The following MYZAP variants were observed in gnomAD, a reference collection of about 807,000 sequenced individuals.
The protein encoded by MYZAP is GRINL1A complex locus upstream.
Under a neutral mutation model 69.4 loss-of-function variants are expected in MYZAP, and 66 were observed. The observed-to-expected ratio is 0.95, with a 90% CI of 0.78 to 1.17. MYZAP has a LOEUF of 1.17. Among genes scored for constraint, MYZAP ranks in the 50% most tolerant of loss-of-function variants. MYZAP has a pLI of 0.00. For synonymous variants in MYZAP, 256 were observed against 205.9 expected, an observed-to-expected ratio of 1.24 and a Z score of -2.09; for missense variants, 611 against 556.2, an observed-to-expected ratio of 1.10 and a Z score of -0.99.
chr15:57,633,108 T>TTA (rs1282087701), intron 7 of MYZAP, among the ~76,000 whole-genome samples: 6 of 152,186 alleles, frequency 3.9e-5, no homozygotes, highest in African/African-American at 1.2e-4. Flanking sequence ...TTCCAGGAGA[T>TTA]TATAAGTTCC....
In MYZAP at chr15:57,633,676, A is replaced by T; in HGVS notation, c.868A>T (p.Ile290Phe). 1 of 1,613,666 alleles carries T rather than the reference A, an allele frequency of 6.2e-7. No individual in the cohort carries two copies. The highest frequency in any genetic ancestry group is 8.5e-7 in the Non-Finnish European group (1 of 1,179,828). ...EANKKMQAAEISLEEKDQRIG... is the reference protein window; with the variant it reads ...EANKKMQAAEFSLEEKDQRIG... ...CAATAAAAAGATGCAAGCAGCAGAG[A>T]TCAGCCTAGAGGAGAAAGACCAGAG... The change falls in exon 8 of 13, where the codon ATC (isoleucine) becomes TTC (phenylalanine). Residue 290 changes from isoleucine (I) to phenylalanine (F), a missense_variant. Coordinates refer to ENST00000267853, the MANE Select transcript of MYZAP (RefSeq NM_001018100.5).
intron 1 of MYZAP, among the ~76,000 whole-genome samples, chr15:57,596,898 T>C (rs536804267): frequency 6.6e-6 from 1 of 152,328 alleles, no homozygotes; most frequent in East Asian, 1.9e-4. Flanking sequence ...CCTAGAGGCC[T>C]GTGCATGCCA....
At chr15:57,677,490 A>G (rs2039200962) in intron 12 of MYZAP, among the ~76,000 whole-genome samples, 1 of 152,240 alleles carries the variant, frequency 6.6e-6, no homozygotes, top group African/African-American at 2.4e-5. Flanking sequence ...GAAAATATGT[A>G]ATAAATAGAG....
intron 1 of MYZAP, among the ~76,000 whole-genome samples, chr15:57,600,453 G>A (rs1264004579): frequency 6.6e-6 from 1 of 152,092 alleles, no homozygotes; most frequent in South Asian, 2.1e-4. Context: ...TATACCTCAG[G>A]GTATTGCTCA....
Position 57,684,543 on chromosome 15 carries a change from A to C in MYZAP, c.*45A>C. 7.9e-7 allele frequency: 1 copy of C among 1,269,196 alleles called. No homozygotes were observed. Among genetic ancestry groups the C allele is most frequent in the Non-Finnish European group, 1.1e-6 (1 of 881,272 alleles). The allele number at this position is 1,269,196 out of a possible 1,614,324, so 78.6% of individuals were successfully genotyped here. ...TTTTACAGATGGACAAAAGCTCTGG[A>C]ACCCTGTGGCTTCAAATCCTTTGGG... On this transcript the variant is annotated 3_prime_UTR_variant, in exon 13 of 13. Transcript: ENST00000267853.
chr15:57,608,796 T>G (rs1483932424), intron 2 of MYZAP, among the ~76,000 whole-genome samples: 2 of 152,238 alleles, frequency 1.3e-5, no homozygotes, highest in Non-Finnish European at 2.9e-5. Context: ...TTCTCCTGCC[T>G]GAAGCTGCCT....
intron 10 of MYZAP, among the ~76,000 whole-genome samples, chr15:57,643,442 T>G (rs991071269): frequency 2.0e-5 from 3 of 152,216 alleles, no homozygotes; most frequent in Admixed American, 2.0e-4. Flanking sequence ...GGAAAGGCAC[T>G]GGGAGAGCTG....
intron 11 of MYZAP, among the ~76,000 whole-genome samples, chr15:57,670,060 A>C (rs2038794275): frequency 6.6e-6 from 1 of 152,118 alleles, no homozygotes; most frequent in Admixed American, 6.5e-5. Context: ...GTTTCAATTA[A>C]ATTTTTGTGA....
At chr15:57,671,075 G>A (rs746239380) in intron 11 of MYZAP, among the ~76,000 whole-genome samples, 1 of 151,964 alleles carries the variant, frequency 6.6e-6, no homozygotes, top group African/African-American at 2.4e-5. Context: ...ATGTCATCTC[G>A]CCTCAGCCTG....
chr15:57,602,370 T>G (rs1184363777), intron 1 of MYZAP, among the ~76,000 whole-genome samples: 2 of 152,170 alleles, frequency 1.3e-5, no homozygotes, highest in African/African-American at 4.8e-5. Context: ...GCCCTTCTCC[T>G]TGGCTGTTGA....
intron 10 of MYZAP, among the ~76,000 whole-genome samples, chr15:57,651,875 C>CG (rs1567228718): frequency 6.6e-6 from 1 of 152,080 alleles, no homozygotes; most frequent in Non-Finnish European, 1.5e-5. Flanking sequence ...TTTAGGTACC[C>CG]GGGGGAGCCA....
At position 57,591,990 on chromosome 15, in the gene MYZAP, G is replaced by C. The variant is rs923162948; in HGVS notation, c.-45G>C. ...CGGGCCCCGCACGCTTATTCTGCCC[G>C]GGAGGAACGCCGGCGTCCAGCCCGC... is the stretch of plus-strand genomic sequence containing the variant. On this transcript the variant is annotated 5_prime_UTR_variant, in exon 1 of 13. Transcript: ENST00000267853. The C allele has an allele frequency of 7.8e-6, 11 of 1,405,190 alleles. No individual in the cohort carries two copies. Among genetic ancestry groups the C allele is most frequent in the East Asian group, 3.1e-5 (1 of 32,250 alleles). 87.0% of individuals were successfully genotyped at this position (1,405,190 alleles called of 1,614,324 possible).
At chr15:57,647,335 G>A (rs2037494490) in intron 10 of MYZAP, 1 of 985,374 alleles carries the variant, frequency 1.0e-6, no homozygotes, top group Non-Finnish European at 1.2e-6. Flanking sequence ...ACTTCCACTA[G>A]GGAGACAGAG....
Position 57,648,176 on chromosome 15 carries a change from G to A in MYZAP, c.1119+8631G>A, listed in dbSNP as rs534337776. Reference sequence around the variant, plus strand: ...AAATGTCAATTTTTAGAAGGTATCAGCACAATTGTGGCAGCCTTTTTTCTG... The same window carrying A: ...AAATGTCAATTTTTAGAAGGTATCAACACAATTGTGGCAGCCTTTTTTCTG... On this transcript the variant is annotated intron_variant, in intron 10 of 12. Coordinates refer to ENST00000267853, the MANE Select transcript of MYZAP (RefSeq NM_001018100.5). 3.1e-5 allele frequency: 31 copies of A among 985,068 alleles called. No individual in the cohort carries two copies. The African/African-American group carries it at 3.8e-4, about 12-fold the overall frequency. 61.0% of individuals were successfully genotyped at this position (985,068 alleles called of 1,614,324 possible).
At chr15:57,597,663 T>C (rs2034148094) in intron 1 of MYZAP, among the ~76,000 whole-genome samples, 1 of 152,334 alleles carries the variant, frequency 6.6e-6, no homozygotes, top group Non-Finnish European at 1.5e-5. Flanking sequence ...AAAGCAGGAA[T>C]GTTTTGTATG....
chr15:57,670,095 T>C (rs9921015), intron 11 of MYZAP, among the ~76,000 whole-genome samples: 138,112 of 152,128 alleles, frequency 0.91, 63,592 homozygotes, highest in Non-Finnish European at 0.98. Context: ...TGCTGTTGTG[T>C]ATATCCTACA....
intron 11 of MYZAP, among the ~76,000 whole-genome samples, chr15:57,673,347 C>T (rs1452133049): frequency 1.3e-5 from 2 of 152,182 alleles, no homozygotes; most frequent in Non-Finnish European, 2.9e-5. Context: ...CCAGCAAAGG[C>T]AGGCGTCTTC....
chr15:57,622,864 C>G (rs2035901616), intron 4 of MYZAP, among the ~76,000 whole-genome samples: 2 of 152,162 alleles, frequency 1.3e-5, no homozygotes, highest in African/African-American at 4.8e-5. Flanking sequence ...ACTTTGACAA[C>G]TTTGAAATGA....
intron 11 of MYZAP, among the ~76,000 whole-genome samples, chr15:57,668,358 G>T (rs1276629540): frequency 6.6e-6 from 1 of 152,146 alleles, no homozygotes; most frequent in East Asian, 1.9e-4. Context: ...TTAAGAGACC[G>T]TCAGTTTTTC....
Sources: gnomAD v4.1 joint callset for allele counts (sites outside exome capture counted in the v4.1 genomes callset) on GRCh38, gnomAD v4.1.1 for gene constraint, MANE v1.5 for transcripts, NCBI Gene and HGNC (gene_info 2026-07-23, HGNC 2026-07-21) for gene names.